Variants in DNER observed in about 807,000 individuals in gnomAD.
The protein encoded by DNER is delta/notch like EGF repeat containing.
DNER carries 33 observed loss-of-function variants against 78.2 expected under a neutral mutation model. The ratio of observed to expected loss-of-function variants is 0.42; its 90% confidence interval spans 0.32 to 0.56. The LOEUF (loss-of-function observed/expected upper bound fraction) is 0.56. DNER is among the 20% of genes least tolerant of loss of function. DNER has a pLI of 0.11. For missense variants in DNER, 918 were observed against 975.3 expected (o/e 0.94, Z 0.78); for synonymous variants, 417 against 384.8 (o/e 1.08, Z -0.98).
chr2:229,386,733 C>T (rs900224085), intron 11 of DNER, among the ~76,000 whole-genome samples: 1 of 152,076 alleles, frequency 6.6e-6, no homozygotes, highest in Non-Finnish European at 1.5e-5. Context: ...AAAAGCTCAT[C>T]ATCACTGGTC....
At chr2:229,391,048 G>A (rs1693004136) in intron 10 of DNER, among the ~76,000 whole-genome samples, 1 of 152,132 alleles carries the variant, frequency 6.6e-6, no homozygotes, top group Non-Finnish European at 1.5e-5. Context: ...CTCAAATGAT[G>A]GAGCCCCTCA....
chr2:229,655,235 T>A (rs1303104982), intron 1 of DNER, among the ~76,000 whole-genome samples: 1 of 150,222 alleles, frequency 6.7e-6, no homozygotes, highest in African/African-American at 2.5e-5. Context: ...CCAAAAGAAA[T>A]GAAATAAAAT....
chr2:229,475,008 C>T (rs1695001417), intron 7 of DNER, among the ~76,000 whole-genome samples: 1 of 152,190 alleles, frequency 6.6e-6, no homozygotes, highest in South Asian at 2.1e-4. Context: ...AAGTTCCCTG[C>T]TTATCAATGG....
At chr2:229,640,921 G>A (rs1319615399) in intron 1 of DNER, among the ~76,000 whole-genome samples, 1 of 152,188 alleles carries the variant, frequency 6.6e-6, no homozygotes, top group Non-Finnish European at 1.5e-5. Context: ...AAAGGGGTGA[G>A]GGAGCTGAGA....
chr2:229,394,165 A>C (rs1199861774), intron 10 of DNER, among the ~76,000 whole-genome samples: 1 of 152,212 alleles, frequency 6.6e-6, no homozygotes, highest in East Asian at 1.9e-4. Context: ...TAAGGATTCC[A>C]GTTTATGTAC....
At chr2:229,550,761 G>A (rs142902392) in intron 4 of DNER, among the ~76,000 whole-genome samples, 2,912 of 152,088 alleles carry the variant, frequency 0.019, 79 homozygotes, top group African/African-American at 0.058. Flanking sequence ...GCGACAGAGC[G>A]AGACTCTGTC....
chr2:229,407,399 T>C, intron 9 of DNER, 54 bp from the exon 10 acceptor site: 1 of 1,543,900 alleles, frequency 6.5e-7, no homozygotes, highest in Non-Finnish European at 8.9e-7. Context: ...CTGGCTCCCA[T>C]GGCCTCTGAA....
intron 1 of DNER, among the ~76,000 whole-genome samples, chr2:229,607,797 C>T (rs921601062): frequency 5.3e-5 from 8 of 151,742 alleles, no homozygotes; most frequent in African/African-American, 9.7e-5. Context: ...CCGAGGTGGT[C>T]GAATCACTTG....
intron 1 of DNER, among the ~76,000 whole-genome samples, chr2:229,712,582 TC>T (rs1381951702): frequency 6.6e-6 from 1 of 152,256 alleles, no homozygotes; most frequent in Non-Finnish European, 1.5e-5. Flanking sequence ...ACAATTCATT[TC>T]TTCAGGAAAA....
intron 5 of DNER, among the ~76,000 whole-genome samples, chr2:229,540,791 G>A (rs1183859636): frequency 6.6e-6 from 1 of 152,174 alleles, no homozygotes; most frequent in Non-Finnish European, 1.5e-5. Flanking sequence ...TAGAAGGTTT[G>A]AAAATGATGC....
At chr2:229,599,164 C>T (rs1427934098) in intron 1 of DNER, among the ~76,000 whole-genome samples, 1 of 151,826 alleles carries the variant, frequency 6.6e-6, no homozygotes, top group Non-Finnish European at 1.5e-5. Flanking sequence ...ACAGGGGACT[C>T]GTGATACTTA....
chr2:229,699,665 T>C (rs1322171503), intron 1 of DNER, among the ~76,000 whole-genome samples: 1 of 152,178 alleles, frequency 6.6e-6, no homozygotes, highest in Non-Finnish European at 1.5e-5. Context: ...CACGTCCAGC[T>C]TTAATTGTAC....
At chr2:229,391,855 A>C (rs957218937) in intron 10 of DNER, among the ~76,000 whole-genome samples, 19 of 152,218 alleles carry the variant, frequency 1.2e-4, no homozygotes, top group Middle Eastern at 3.4e-3. Context: ...ATTTTTTTTC[A>C]ATGTACTACC....
At chr2:229,709,877 T>C (rs1180620491) in intron 1 of DNER, among the ~76,000 whole-genome samples, 2 of 152,202 alleles carry the variant, frequency 1.3e-5, no homozygotes, top group African/African-American at 4.8e-5. Flanking sequence ...GCCCCTTCTT[T>C]GACGGACAGC....
chr2:229,661,880 G>A (rs922469037), intron 1 of DNER, among the ~76,000 whole-genome samples: 3 of 152,156 alleles, frequency 2.0e-5, no homozygotes, highest in Non-Finnish European at 4.4e-5. Flanking sequence ...CATGATTCAT[G>A]ATTAAGACAA....
rs752591955 is a variant in DNER at position 229,477,256 on chromosome 2, G to A, written c.1148-3C>T. On this transcript the variant is annotated splice_polypyrimidine_tract_variant and splice_region_variant and intron_variant, in intron 6 of 12. Coordinates refer to ENST00000341772, the MANE Select transcript of DNER (RefSeq NM_139072.4). ...CTGGCAAAGCTCTCCAGTATAACCT[G>A]AATAAAACAAAATGTACATTTTATA... 21 of 1,599,202 alleles carry A rather than the reference G, an allele frequency of 1.3e-5. No homozygotes were observed. The South Asian group carries it at 2.1e-4, about 16-fold the overall frequency.
At chr2:229,538,372 T>C (rs1285032686) in intron 5 of DNER, among the ~76,000 whole-genome samples, 1 of 152,128 alleles carries the variant, frequency 6.6e-6, no homozygotes, top group Non-Finnish European at 1.5e-5. Context: ...AAAATGTATA[T>C]ATATTTTTTG....
intron 5 of DNER, among the ~76,000 whole-genome samples, chr2:229,535,072 G>A (rs1696376854): frequency 6.6e-6 from 1 of 152,162 alleles, no homozygotes; most frequent in Non-Finnish European, 1.5e-5. Context: ...CTGACCTCAG[G>A]TGATCGGCCT....
intron 11 of DNER, among the ~76,000 whole-genome samples, chr2:229,383,534 C>A (rs1165485376): frequency 6.6e-6 from 1 of 152,042 alleles, no homozygotes; most frequent in Non-Finnish European, 1.5e-5. Context: ...TGCAAAGACA[C>A]ACATAGGCTC....
Sources: allele counts gnomAD v4.1 joint callset (sites outside exome capture counted in the v4.1 genomes callset), GRCh38; gene constraint gnomAD v4.1.1; transcripts MANE v1.5; gene names NCBI Gene and HGNC (gene_info 2026-07-23, HGNC 2026-07-21).